The following COL24A1 variants were observed in gnomAD, a reference collection of about 807,000 sequenced individuals.
The protein encoded by COL24A1 is collagen type XXIV alpha 1 chain, also known as collagen alpha-1(XXIV) chain.
COL24A1 carries 224 observed loss-of-function variants against 253.9 expected under a neutral mutation model. That is an observed-to-expected ratio of 0.88 (90% CI 0.79 to 0.99). The LOEUF is 0.99. Among genes scored for constraint, COL24A1 ranks in the 50% least tolerant of loss-of-function variants. The pLI, the probability that COL24A1 is intolerant of heterozygous loss-of-function variation, is 0.00. For missense variants in COL24A1, 2,131 were observed against 2,068.5 expected (o/e 1.03, Z -0.59); for synonymous variants, 685 against 673.7 (o/e 1.02, Z -0.26).
intron 24 of COL24A1, among the ~76,000 whole-genome samples, chr1:85,914,383 T>G (rs1431132729): frequency 6.6e-6 from 1 of 151,534 alleles, no homozygotes; most frequent in Non-Finnish European, 1.5e-5. Flanking sequence ...CATTTCTTTT[T>G]TTCTTTTCTT....
At chr1:85,782,695 G>C (rs1669258195) in intron 51 of COL24A1, among the ~76,000 whole-genome samples, 1 of 152,184 alleles carries the variant, frequency 6.6e-6, no homozygotes, top group Non-Finnish European at 1.5e-5. Flanking sequence ...AGTTATTTAA[G>C]ATACCTTTAT....
chr1:85,883,736 GAC>G (rs1298254336), intron 32 of COL24A1: 1 of 151,970 alleles, frequency 6.6e-6, no homozygotes, highest in African/African-American at 2.4e-5. Context: ...AACCAGTCCT[GAC>G]CCTGTTTAGC....
chr1:86,144,217 C>T (rs1213376986), intron 2 of COL24A1, among the ~76,000 whole-genome samples: 1 of 152,008 alleles, frequency 6.6e-6, no homozygotes, highest in African/African-American at 2.4e-5. Flanking sequence ...ACATATTTTA[C>T]ATTCCATAAA....
intron 53 of COL24A1, among the ~76,000 whole-genome samples, chr1:85,766,163 C>T (rs1384108033): frequency 6.6e-6 from 1 of 151,680 alleles, no homozygotes; most frequent in African/African-American, 2.4e-5. Context: ...GCCAGGAGTT[C>T]AAGACTGGCC....
chr1:85,941,616 C>T (rs1443813190), intron 24 of COL24A1, among the ~76,000 whole-genome samples: 1 of 95,260 alleles, frequency 1.0e-5, no homozygotes, highest in Non-Finnish European at 2.1e-5. Flanking sequence ...AAGAACGAGA[C>T]ATGTACTTTT....
intron 57 of COL24A1, among the ~76,000 whole-genome samples, chr1:85,741,936 A>G (rs2100898108): frequency 6.6e-6 from 1 of 152,038 alleles, no homozygotes; most frequent in Admixed American, 6.6e-5. Context: ...GCTTTACTTA[A>G]CGTGGACCCA....
At chr1:85,794,426 T>A (rs1369552647) in intron 47 of COL24A1, among the ~76,000 whole-genome samples, 1 of 152,178 alleles carries the variant, frequency 6.6e-6, no homozygotes, top group Admixed American at 6.5e-5. Context: ...ACAAAACTTG[T>A]CATTAGGGTT....
chr1:85,908,678 A>C (rs1685077474), intron 26 of COL24A1, 27 bp from the exon 27 acceptor site: 1 of 1,118,260 alleles, frequency 8.9e-7, no homozygotes, highest in Non-Finnish European at 1.2e-6. Flanking sequence ...ATATAAAAGA[A>C]GTAAAATATT....
intron 37 of COL24A1, among the ~76,000 whole-genome samples, chr1:85,866,217 C>G (rs955869478): frequency 6.6e-6 from 1 of 152,020 alleles, no homozygotes; most frequent in African/African-American, 2.4e-5. Context: ...GAGCCAAGAT[C>G]GTGCCACTGC....
At chr1:85,897,849 G>C (rs1683904353) in intron 28 of COL24A1, among the ~76,000 whole-genome samples, 1 of 152,092 alleles carries the variant, frequency 6.6e-6, no homozygotes, top group Admixed American at 6.5e-5. Flanking sequence ...AATATACAGA[G>C]AGATAAGACA....
At chr1:86,061,820 T>C (rs1443921107) in intron 8 of COL24A1, among the ~76,000 whole-genome samples, 1 of 151,950 alleles carries the variant, frequency 6.6e-6, no homozygotes, top group African/African-American at 2.4e-5. Context: ...ATCTGCAGAT[T>C]GGATGGAGTA....
At chr1:86,045,231 C>A (rs12748730) in intron 12 of COL24A1, among the ~76,000 whole-genome samples, 14,349 of 152,228 alleles carry the variant, frequency 0.094, 777 homozygotes, top group Middle Eastern at 0.2. Context: ...CTCAACTGAT[C>A]TGCCCGACTC....
chr1:85,774,352 C>T (rs887340006), intron 53 of COL24A1, among the ~76,000 whole-genome samples: 7 of 151,946 alleles, frequency 4.6e-5, no homozygotes, highest in South Asian at 2.1e-4. Context: ...GTGTCTCTGC[C>T]GGGCTTTAGT....
chr1:85,988,659 T>C (rs1234137829), intron 19 of COL24A1, among the ~76,000 whole-genome samples: 1 of 151,860 alleles, frequency 6.6e-6, no homozygotes, highest in African/African-American at 2.4e-5. Context: ...AACGTGAACA[T>C]CCACAAGAAA....
intron 53 of COL24A1, among the ~76,000 whole-genome samples, chr1:85,768,562 C>G (rs1473304136): frequency 7.8e-6 from 1 of 128,856 alleles, no homozygotes; most frequent in Non-Finnish European, 1.6e-5. Context: ...TCTTTATGTT[C>G]TATGGCTTTG....
At chr1:85,737,070 A>G (rs962035423) in intron 58 of COL24A1, among the ~76,000 whole-genome samples, 4 of 152,176 alleles carry the variant, frequency 2.6e-5, no homozygotes, top group Non-Finnish European at 5.9e-5. Context: ...CTGGTTACAA[A>G]CACTAGCTGT....
intron 31 of COL24A1, among the ~76,000 whole-genome samples, chr1:85,894,499 CA>C (rs1203559477): frequency 3.3e-5 from 5 of 151,622 alleles, no homozygotes; most frequent in Admixed American, 3.3e-4. Flanking sequence ...ATTTTCAGCT[CA>C]TCAATGAATA....
intron 5 of COL24A1, among the ~76,000 whole-genome samples, chr1:86,109,415 G>A (rs55713534): frequency 0.15 from 22,306 of 152,094 alleles, 1,766 homozygotes; most frequent in South Asian, 0.24. Flanking sequence ...GTAGCACCAT[G>A]TTAAGAGCTT....
intron 56 of COL24A1, 65 bp from the exon 57 acceptor site, chr1:85,744,899 G>A (rs1184774006): frequency 1.6e-6 from 2 of 1,236,340 alleles, no homozygotes; most frequent in Non-Finnish European, 2.3e-6. Context: ...GGCCAAGGCA[G>A]GAGAAGAATG....
Sources: allele counts gnomAD v4.1 joint callset (sites outside exome capture counted in the v4.1 genomes callset), GRCh38; gene constraint gnomAD v4.1.1; transcripts MANE v1.5; gene names NCBI Gene and HGNC (gene_info 2026-07-23, HGNC 2026-07-21).